The following TRPM6 variants were observed in gnomAD, a reference collection of about 807,000 sequenced individuals.
TRPM6 encodes the protein transient receptor potential cation channel subfamily M member 6.
In TRPM6, 111 loss-of-function variants were observed where a neutral mutation model predicts 247.6. The ratio of observed to expected loss-of-function variants is 0.45; its 90% CI spans 0.38 to 0.52. TRPM6 has a LOEUF of 0.52. Ranked by LOEUF, TRPM6 falls within the 20% of genes least tolerant of loss-of-function variation. The pLI is 0.00. For synonymous variants in TRPM6, 892 were observed against 853.8 expected (o/e 1.04, Z -0.78); for missense variants, 2,126 against 2,421.5 (o/e 0.88, Z 2.56).
At chr9:74,726,293 T>G (rs941704458) in intron 38 of TRPM6, among the ~76,000 whole-genome samples, 5 of 152,194 alleles carry the variant, frequency 3.3e-5, no homozygotes, top group Non-Finnish European at 7.3e-5. Flanking sequence ...GTGGATAACC[T>G]GAGGTCAAGA....
chr9:74,766,522 T>G (rs568707254), intron 25 of TRPM6, among the ~76,000 whole-genome samples: 1 of 152,360 alleles, frequency 6.6e-6, no homozygotes, highest in South Asian at 2.1e-4. Context: ...GCTCACTATG[T>G]GCCAAGCATT....
intron 1 of TRPM6, among the ~76,000 whole-genome samples, chr9:74,886,902 G>T (rs756928145): frequency 6.6e-6 from 1 of 152,226 alleles, no homozygotes; most frequent in Non-Finnish European, 1.5e-5. Flanking sequence ...GTTCTTATCA[G>T]AGCAGGCTGA....
rs1055024947 is a variant in TRPM6 at position 74,794,942 on chromosome 9, CAAT to C, written c.2391+1796_2391+1798del. 1.1e-3 allele frequency among the ~76,000 whole-genome samples: 131 copies of C among 123,538 alleles called. 1 individual carries two copies. Among genetic ancestry groups the C allele is most frequent in the African/African-American group, 3.5e-3 (121 of 34,138 alleles). The allele number at this position is 123,538 out of a possible 152,430, so 81.0% of individuals were successfully genotyped here. ...ACACAGATTAAAATTATGACTACAA[CAAT>C]AAGTCTTCCCCCCATATCTGTTTTG... On this transcript the variant is annotated intron_variant, in intron 18 of 38. Transcript: ENST00000360774.
Position 74,750,701 on chromosome 9 carries a change from A to G in TRPM6, c.5020T>C (p.Trp1674Arg). ...SQEDLSKNSL[W>R]NSRSTNLNRN... ...TTGAGGTTGGTGCTCCTGGAATTCCACAAAGAGTTTTTGCTGAGATCCTGA... is the reference window on the plus strand; with the variant it reads ...TTGAGGTTGGTGCTCCTGGAATTCCGCAAAGAGTTTTTGCTGAGATCCTGA... The change falls in exon 30 of 39, where the codon TGG (tryptophan) becomes CGG (arginine). Residue 1674 changes from tryptophan to arginine, a missense_variant. Coordinates refer to ENST00000360774, the MANE Select transcript of TRPM6 (RefSeq NM_017662.5). 6.2e-7 allele frequency: 1 copy of G among 1,613,946 alleles called. No individual in the cohort carries two copies. The highest frequency in any genetic ancestry group is 8.5e-7 in the Non-Finnish European group (1 of 1,179,822).
At chr9:74,887,714 G>A (rs897460740) in intron 1 of TRPM6, 110 bp downstream of exon 1, 107 of 1,612,330 alleles carry the variant, frequency 6.6e-5, no homozygotes, top group Admixed American at 3.3e-5. Flanking sequence ...CTAGATCCTC[G>A]TTAGATGTAG....
chr9:74,830,681 A>G (rs1185767243), intron 6 of TRPM6, among the ~76,000 whole-genome samples: 2 of 151,008 alleles, frequency 1.3e-5, no homozygotes, highest in Non-Finnish European at 2.9e-5. Context: ...GGTTCAAGCA[A>G]TCCTTCCACC....
At chr9:74,796,976 T>C (rs1416810988) in intron 17 of TRPM6, 83 bp from the exon 18 acceptor site, 2 of 1,318,224 alleles carry the variant, frequency 1.5e-6, no homozygotes, top group African/African-American at 1.5e-5. Context: ...AGAATTTCAG[T>C]GTATATAAAA....
chr9:74,739,602 C>A (rs1825797804), intron 34 of TRPM6, 121 bp downstream of exon 34: 16 of 1,526,094 alleles, frequency 1.0e-5, no homozygotes, highest in Non-Finnish European at 1.4e-5. Flanking sequence ...AGCAATACTA[C>A]CTCTAAAAAA....
Position 74,801,900 on chromosome 9 carries a change from T to TTACTCAGAA in TRPM6, c.2006_2007insTTCTGAGTA (p.Ser669_Lys670insSerGluTer). 6.2e-7 allele frequency: 1 copy of TTACTCAGAA among 1,614,194 alleles called. No individual in the cohort carries two copies. Among genetic ancestry groups the TTACTCAGAA allele is most frequent in the Non-Finnish European group, 8.5e-7 (1 of 1,180,030 alleles). ...TGAAGTGAAGAGAGAACACTTACTTTGAGTAATTCTTCAACTCTTCTGAGG... is the reference window on the plus strand; with the variant it reads ...TGAAGTGAAGAGAGAACACTTACTTTTACTCAGAAGAGTAATTCTTCAACTCTTCTGAGG... On this transcript the variant is annotated stop_gained and inframe_insertion, in exon 16 of 39. Transcript: ENST00000360774. LOFTEE classifies it high-confidence loss of function.
chr9:74,739,680 G>T (rs1825799936), intron 34 of TRPM6, 43 bp downstream of exon 34: 1 of 1,605,728 alleles, frequency 6.2e-7, no homozygotes, highest in South Asian at 1.1e-5. Context: ...TCTTTTCTTT[G>T]ACTTGTCCCT....
intron 33 of TRPM6, among the ~76,000 whole-genome samples, chr9:74,741,622 C>T (rs951840418): frequency 2.0e-5 from 3 of 151,956 alleles, no homozygotes; most frequent in Non-Finnish European, 2.9e-5. Context: ...CAGGCCGGTG[C>T]GGTGATTCTG....
chr9:74,787,688 TA>T (rs963320637), intron 20 of TRPM6, among the ~76,000 whole-genome samples: 1 of 152,198 alleles, frequency 6.6e-6, no homozygotes, highest in Admixed American at 6.5e-5. Flanking sequence ...ATTACAGTTA[TA>T]ACTGATAGGA....
intron 23 of TRPM6, among the ~76,000 whole-genome samples, chr9:74,781,571 GGAAAA>G (rs896574948): frequency 7.7e-5 from 11 of 141,974 alleles, no homozygotes; most frequent in African/African-American, 1.8e-4. Flanking sequence ...AAGAAAGAAA[GGAAAA>G]GAAAAGAAAA....
At chr9:74,871,943 C>G (rs1831044471) in intron 1 of TRPM6, among the ~76,000 whole-genome samples, 1 of 151,712 alleles carries the variant, frequency 6.6e-6, no homozygotes, top group Non-Finnish European at 1.5e-5. Context: ...ACCTCTGCCT[C>G]CTGGGTTCCA....
At position 74,800,307 on chromosome 9, in the gene TRPM6, G is replaced by C; in HGVS notation, c.2185C>G (p.Leu729Val). ...AGCCTCCCCATCCACATGTCTGTCA[G>C]TAGCATCTGGGTACAAGTATGTGAA... Reference protein sequence around the residue: ...FVSHTCTQMLLTDMWMGRLKM... With the variant: ...FVSHTCTQMLVTDMWMGRLKM... Residue 729 changes from leucine (L) to valine (V), a missense_variant, in exon 17 of 39, where the codon CTG (leucine) becomes GTG (valine). This residue lies in a region of TRPM6 where 1,082 missense variants were observed against 1,307.9 expected (regional missense o/e 0.83). Coordinates refer to ENST00000360774, the MANE Select transcript of TRPM6 (RefSeq NM_017662.5). 1 of 1,614,178 alleles carries C rather than the reference G, an allele frequency of 6.2e-7. No individual in the cohort carries two copies. Among genetic ancestry groups the C allele is most frequent in the Non-Finnish European group, 8.5e-7 (1 of 1,180,034 alleles).
intron 23 of TRPM6, among the ~76,000 whole-genome samples, chr9:74,781,551 A>AAAG (rs1554698841): frequency 1.5e-4 from 22 of 148,524 alleles, no homozygotes; most frequent in South Asian, 1.3e-3. Context: ...AAAAAAAAAA[A>AAAG]AAGAAGAAAA....
Position 74,722,722 on chromosome 9 carries a change from T to A in TRPM6, c.*1891A>T, listed in dbSNP as rs1739996567. On this transcript the variant is annotated 3_prime_UTR_variant, in exon 39 of 39. Coordinates refer to ENST00000360774, the MANE Select transcript of TRPM6 (RefSeq NM_017662.5). ...ATTAACATTTTATCCTCATTGCCAATCAACAAATCACCCAAATTTCCCGCT... is the reference window on the plus strand; with the variant it reads ...ATTAACATTTTATCCTCATTGCCAAACAACAAATCACCCAAATTTCCCGCT... 1 of 152,104 alleles carries A rather than the reference T, an allele frequency of 6.6e-6. No homozygotes were observed. The highest frequency in any genetic ancestry group is 1.5e-5 in the Non-Finnish European group (1 of 68,020). 9.4% of individuals were successfully genotyped at this position (152,104 alleles called of 1,614,324 possible).
In TRPM6 at chr9:74,762,107, T is replaced by C. The variant is rs373712428; in HGVS notation, c.4564A>G (p.Asn1522Asp). 4.3e-6 allele frequency: 7 copies of C among 1,614,078 alleles called. No individual in the cohort carries two copies. The highest frequency in any genetic ancestry group is 1.3e-5 in the African/African-American group (1 of 74,932). Residue 1522 changes from asparagine to aspartate, a missense_variant, in exon 26 of 39, where the codon AAC becomes GAC. Asn to Asp is a conservative substitution (Grantham distance 23, BLOSUM62 1). This residue lies in a region of TRPM6 where 717 missense variants were observed against 715.9 expected (regional missense o/e 1.00). Coordinates refer to ENST00000360774, the MANE Select transcript of TRPM6 (RefSeq NM_017662.5). ...CSEVGPWLQP[N>D]TSFWINPLRR... ...AGAGGATTGATCCAAAAGGATGTGT[T>C]TGGCTGAAGCCATGGTCCCACCTCT...
At chr9:74,862,930 G>A (rs567532271) in intron 1 of TRPM6, among the ~76,000 whole-genome samples, 48 of 151,840 alleles carry the variant, frequency 3.2e-4, no homozygotes, top group African/African-American at 1.1e-3. Context: ...GCAGTGAGCC[G>A]AGATCATGCC....
Sources: gnomAD v4.1 joint callset for allele counts (sites outside exome capture counted in the v4.1 genomes callset) on GRCh38, gnomAD v4.1.1 for gene constraint, gnomAD v4.1.1 regional missense constraint, MANE v1.5 for transcripts, NCBI Gene and HGNC (gene_info 2026-07-23, HGNC 2026-07-21) for gene names.